The following EFR3B variants were observed in gnomAD, a reference collection of about 807,000 sequenced individuals.
EFR3B encodes the protein EFR3 homolog B, also known as protein EFR3 homolog B.
In EFR3B, 64 loss-of-function variants were observed where a neutral mutation model predicts 104.7. The ratio of observed to expected loss-of-function variants is 0.61; its 90% CI spans 0.50 to 0.75. The LOEUF is 0.75. Among genes scored for constraint, EFR3B ranks in the 30% least tolerant of loss-of-function variants. The pLI is 0.00. For synonymous variants in EFR3B, 385 were observed against 417.9 expected (o/e 0.92, Z 0.96); for missense variants, 750 against 1,078.5 (o/e 0.70, Z 4.27).
In EFR3B at chr2:25,137,622, T is replaced by C. The variant is rs908142197; in HGVS notation, c.1722+120T>C. Reference sequence around the variant, plus strand: ...AACACTGTTTTGGAGCCCAGGAATATTGTACTCGTGGTTGGCCACGCCTCC... The same window carrying C: ...AACACTGTTTTGGAGCCCAGGAATACTGTACTCGTGGTTGGCCACGCCTCC... On this transcript the variant is annotated intron_variant, in intron 15 of 22. Transcript: ENST00000403714. The surrounding 1 kb of genome is among the most constrained non-coding windows in gnomAD (Gnocchi z 4.7). The C allele has an allele frequency of 2.8e-6, 4 of 1,422,080 alleles. No homozygotes were observed. Among genetic ancestry groups the C allele is most frequent in the Admixed American group, 4.6e-5 (2 of 43,476 alleles). The allele number at this position is 1,422,080 out of a possible 1,614,324, so 88.1% of individuals were successfully genotyped here.
chr2:25,153,972 T>C (rs909130799), intron 22 of EFR3B, among the ~76,000 whole-genome samples: 7 of 151,990 alleles, frequency 4.6e-5, no homozygotes, highest in African/African-American at 7.2e-5. Context: ...CCTGCCTCAA[T>C]GAAACCTGGA....
chr2:25,094,651 A>G (rs932964683), intron 3 of EFR3B, among the ~76,000 whole-genome samples: 4 of 152,266 alleles, frequency 2.6e-5, no homozygotes, highest in African/African-American at 9.6e-5. Context: ...TAGAAAGAGT[A>G]CAAATTGGTT....
At chr2:25,043,644 G>A (rs554200903) in intron 1 of EFR3B, among the ~76,000 whole-genome samples, 11 of 152,202 alleles carry the variant, frequency 7.2e-5, no homozygotes, top group Non-Finnish European at 1.6e-4. Flanking sequence ...GGGGGAGGTT[G>A]GCCTGAGAGG....
chr2:25,089,837 G>A (rs1238964774), intron 1 of EFR3B, among the ~76,000 whole-genome samples: 2 of 152,112 alleles, frequency 1.3e-5, no homozygotes, highest in Non-Finnish European at 2.9e-5. Context: ...GCTGGGGCGG[G>A]TGGAAGCTGA....
At chr2:25,046,983 C>T (rs1667740405) in intron 1 of EFR3B, among the ~76,000 whole-genome samples, 1 of 152,190 alleles carries the variant, frequency 6.6e-6, no homozygotes, top group Non-Finnish European at 1.5e-5. Flanking sequence ...GTGCCCTTCC[C>T]CCTCCCACCT....
At chr2:25,068,034 A>G (rs1668385557) in intron 1 of EFR3B, among the ~76,000 whole-genome samples, 1 of 151,958 alleles carries the variant, frequency 6.6e-6, no homozygotes, top group Non-Finnish European at 1.5e-5. Flanking sequence ...AAGGCACCAG[A>G]TCCATCTCTT....
chr2:25,125,802 G>A (rs940053889), intron 5 of EFR3B, among the ~76,000 whole-genome samples: 2 of 152,190 alleles, frequency 1.3e-5, no homozygotes, highest in Non-Finnish European at 2.9e-5. Flanking sequence ...CAAAAAAATA[G>A]CCAGGCGTGG....
At chr2:25,099,963 G>C (rs1669386211) in intron 3 of EFR3B, among the ~76,000 whole-genome samples, 1 of 152,098 alleles carries the variant, frequency 6.6e-6, no homozygotes, top group Admixed American at 6.6e-5. Context: ...AGCAATTTGG[G>C]AGGCCGAGGT....
intron 17 of EFR3B, 96 bp from the exon 18 acceptor site, chr2:25,143,639 G>A (rs1331641087): frequency 9.7e-6 from 14 of 1,450,136 alleles, no homozygotes; most frequent in Admixed American, 2.1e-5. Flanking sequence ...CAGCCTGGGC[G>A]ACAAGAGCAA....
intron 1 of EFR3B, among the ~76,000 whole-genome samples, chr2:25,054,196 G>A (rs1667958111): frequency 6.6e-6 from 1 of 152,190 alleles, no homozygotes; most frequent in Non-Finnish European, 1.5e-5. Flanking sequence ...CTGGAGAAGT[G>A]GGATAATTAG....
chr2:25,091,207 C>G (rs1307106051), intron 1 of EFR3B, 118 bp from the exon 2 acceptor site: 2 of 933,138 alleles, frequency 2.1e-6, no homozygotes, highest in Non-Finnish European at 3.3e-6. Context: ...AGGGAGGGGT[C>G]TGTCTGATTC....
chr2:25,115,017 G>A (rs1019175391), intron 4 of EFR3B, among the ~76,000 whole-genome samples: 3 of 151,994 alleles, frequency 2.0e-5, no homozygotes, highest in Admixed American at 1.3e-4. Flanking sequence ...AACCCCATCT[G>A]TACAAAATAA....
rs1489085345 is a variant in EFR3B at position 25,042,602 on chromosome 2, C to T, written c.7+283C>T. On this transcript the variant is annotated intron_variant, in intron 1 of 22. Transcript: ENST00000403714. The surrounding 1 kb of genome is among the most constrained non-coding windows in gnomAD (Gnocchi z 5.4). ...TCAGGGGAAAGCGGGTCTCCCGGAG[C>T]CGAGCAGACCGGGAGTGCTGGAGGA... 5.1e-6 allele frequency: 6 copies of T among 1,184,862 alleles called. No individual in the cohort carries two copies. The East Asian group carries it at 1.4e-4, about 28-fold the overall frequency. The allele number at this position is 1,184,862 out of a possible 1,614,324, so 73.4% of individuals were successfully genotyped here.
intron 10 of EFR3B, 83 bp from the exon 11 acceptor site, chr2:25,132,820 C>G (rs1573227242): frequency 8.6e-7 from 1 of 1,161,204 alleles, no homozygotes; most frequent in African/African-American, 1.5e-5. Flanking sequence ...AGGCAGCCCT[C>G]GCTCTCTGCA....
chr2:25,075,220 C>T (rs1668603356), intron 1 of EFR3B, among the ~76,000 whole-genome samples: 1 of 152,186 alleles, frequency 6.6e-6, no homozygotes. Context: ...AAATCTCCTG[C>T]AGCTCTGAAG....
At chr2:25,046,565 C>G (rs372215128) in intron 1 of EFR3B, among the ~76,000 whole-genome samples, 1 of 142,930 alleles carries the variant, frequency 7.0e-6, no homozygotes, top group Admixed American at 7.1e-5. Flanking sequence ...TGCAGTGGCG[C>G]GATCTCGGCT....
chr2:25,103,510 C>T, intron 3 of EFR3B, 127 bp from the exon 4 acceptor site: 2 of 1,312,940 alleles, frequency 1.5e-6, no homozygotes, highest in Non-Finnish European at 2.1e-6. Flanking sequence ...ACGTTGGCAG[C>T]CTGTGGGGGA....
At chr2:25,073,586 A>T (rs1668553034) in intron 1 of EFR3B, among the ~76,000 whole-genome samples, 1 of 151,950 alleles carries the variant, frequency 6.6e-6, no homozygotes, top group Non-Finnish European at 1.5e-5. Flanking sequence ...TGAACTCCTG[A>T]GCTCAAGTAA....
At chr2:25,072,076 T>C (rs1175289767) in intron 1 of EFR3B, among the ~76,000 whole-genome samples, 3 of 152,070 alleles carry the variant, frequency 2.0e-5, no homozygotes, top group Non-Finnish European at 4.4e-5. Context: ...GTGGAATGAG[T>C]TTCTAATCCA....
Sources: gnomAD v4.1 joint callset for allele counts (sites outside exome capture counted in the v4.1 genomes callset) on GRCh38, gnomAD v4.1.1 for gene constraint, Gnocchi (gnomAD v3.1) non-coding constraint, MANE v1.5 for transcripts, NCBI Gene and HGNC (gene_info 2026-07-23, HGNC 2026-07-21) for gene names.